Variants in LSM14A observed in about 807,000 individuals in gnomAD.
The protein encoded by LSM14A is LSM14A mRNA processing body assembly factor, also known as protein LSM14 homolog A.
LSM14A carries 14 observed loss-of-function variants against 52.4 expected under a neutral mutation model. The observed-to-expected ratio is 0.27, with a 90% CI of 0.18 to 0.42. LSM14A has a LOEUF of 0.42. LSM14A is among the 10% of genes least tolerant of loss of function. The pLI, the probability that LSM14A is intolerant of heterozygous loss-of-function variation, is 1.00. For missense variants in LSM14A, 417 were observed against 581.8 expected (o/e 0.72, Z 2.91); for synonymous variants, 185 against 200.3 (o/e 0.92, Z 0.64).
chr19:34,214,674 T>A (rs1485749125), intron 4 of LSM14A, among the ~76,000 whole-genome samples: 1 of 152,226 alleles, frequency 6.6e-6, no homozygotes, highest in African/African-American at 2.4e-5. Context: ...AGGTATTGTT[T>A]TAGTCATCTA....
chr19:34,190,222 G>T lies in LSM14A; in HGVS notation c.122-4256G>T, dbSNP rs142152325. Among the ~76,000 whole-genome samples, 138 of 152,126 alleles carry T rather than the reference G, an allele frequency of 9.1e-4. 2 individuals carry two copies. Among genetic ancestry groups the T allele is most frequent in the African/African-American group, 2.9e-3 (122 of 41,506 alleles). ...CGTGTGCCCTTCTAATCTCTCTTGT[G>T]GAATTTGTTCTTCACAATACTACAA... On this transcript the variant is annotated intron_variant, in intron 1 of 9. Transcript: ENST00000544216.
chr19:34,214,920 AATTATT>A (rs916177598), intron 4 of LSM14A, among the ~76,000 whole-genome samples, 198 bp from the exon 5 acceptor site: 9 of 151,384 alleles, frequency 5.9e-5, no homozygotes, highest in Non-Finnish European at 1.3e-4. Flanking sequence ...TTTTTTTTTA[AATTATT>A]ATTATTTTTT....
chr19:34,201,916 G>A (rs1042106809), intron 3 of LSM14A, among the ~76,000 whole-genome samples: 1 of 151,806 alleles, frequency 6.6e-6, no homozygotes, highest in Admixed American at 6.6e-5. Flanking sequence ...AGACCTCCTG[G>A]GCTCAAGCAG....
chr19:34,205,031 C>T (rs969561627), intron 3 of LSM14A, among the ~76,000 whole-genome samples: 7 of 152,138 alleles, frequency 4.6e-5, no homozygotes, highest in Middle Eastern at 3.4e-3. Context: ...ATTTGGGAGG[C>T]GGAGGCAGGA....
chr19:34,217,608 C>A (rs1323268868), intron 6 of LSM14A, among the ~76,000 whole-genome samples: 1 of 43,508 alleles, frequency 2.3e-5, no homozygotes, highest in Admixed American at 2.5e-4. Flanking sequence ...TTTTATATCC[C>A]CCCCCCCCGT....
intron 3 of LSM14A, among the ~76,000 whole-genome samples, chr19:34,206,465 G>A (rs989130180): frequency 3.3e-5 from 5 of 151,280 alleles, no homozygotes; most frequent in African/African-American, 1.2e-4. Flanking sequence ...TCAGGAGATC[G>A]AGACCAGCCC....
intron 1 of LSM14A, among the ~76,000 whole-genome samples, chr19:34,193,755 C>A (rs1205853530): frequency 6.6e-6 from 1 of 152,230 alleles, no homozygotes; most frequent in East Asian, 1.9e-4. Flanking sequence ...CTCTCTGTGT[C>A]CCAAAGGTCA....
intron 1 of LSM14A, among the ~76,000 whole-genome samples, chr19:34,184,647 T>A (rs1382794347): frequency 6.6e-6 from 1 of 152,210 alleles, no homozygotes; most frequent in East Asian, 1.9e-4. Context: ...CTACCTTTGC[T>A]TATGCCTAAG....
chr19:34,213,576 A>G (rs995067211), intron 4 of LSM14A, among the ~76,000 whole-genome samples: 1 of 152,178 alleles, frequency 6.6e-6, no homozygotes, highest in African/African-American at 2.4e-5. Context: ...ACGTGAAATG[A>G]GCATTTTTTT....
chr19:34,191,124 A>C (rs1327187875), intron 1 of LSM14A, among the ~76,000 whole-genome samples: 1 of 151,916 alleles, frequency 6.6e-6, no homozygotes, highest in Non-Finnish European at 1.5e-5. Flanking sequence ...ATTCTCTTCT[A>C]GTGATTTGGT....
intron 9 of LSM14A, 172 bp downstream of exon 9, chr19:34,221,910 T>C: frequency 2.3e-6 from 3 of 1,314,114 alleles, no homozygotes. Context: ...AAAGACATTA[T>C]ACAAAAAAAG....
chr19:34,224,275 G>A (rs2073224782), intron 9 of LSM14A, among the ~76,000 whole-genome samples: 1 of 152,044 alleles, frequency 6.6e-6, no homozygotes, highest in Non-Finnish European at 1.5e-5. Context: ...AGGTTGCAGT[G>A]AGCCGAGATC....
rs890753783 is a variant in LSM14A at position 34,192,831 on chromosome 19, T to C, written c.122-1647T>C. Among the ~76,000 whole-genome samples, 34 of 151,378 alleles carry C rather than the reference T, an allele frequency of 2.2e-4. 1 individual carries two copies. Among genetic ancestry groups the C allele is most frequent in the African/African-American group, 7.5e-4 (31 of 41,126 alleles). On this transcript the variant is annotated intron_variant, in intron 1 of 9. Coordinates refer to ENST00000544216, the MANE Select transcript of LSM14A (RefSeq NM_015578.4). ...CTCCGCTAAAAAAAAATACAAAAAT[T>C]AGCTGCGCATGGTGGCACACGCCTG...
chr19:34,193,019 T>C (rs1224015116), intron 1 of LSM14A, among the ~76,000 whole-genome samples: 1 of 152,148 alleles, frequency 6.6e-6, no homozygotes, highest in Non-Finnish European at 1.5e-5. Context: ...GGGGTTTACT[T>C]CCTTTAGGGT....
rs1282841324 is a variant in LSM14A at position 34,196,487 on chromosome 19, T to C, written c.286-147T>C. On this transcript the variant is annotated intron_variant, in intron 2 of 9. Coordinates refer to ENST00000544216, the MANE Select transcript of LSM14A (RefSeq NM_015578.4). ...CTGAAATCAAAAGGTTGTTTGGCTATTTTAATATTAAGTGCATATTGTAAT... is the reference window on the plus strand; with the variant it reads ...CTGAAATCAAAAGGTTGTTTGGCTACTTTAATATTAAGTGCATATTGTAAT... The C allele has an allele frequency of 8.9e-6, 6 of 674,024 alleles. No individual in the cohort carries two copies. In the East Asian group the frequency reaches 1.3e-4, roughly 15 times the overall value. 41.8% of individuals were successfully genotyped at this position (674,024 alleles called of 1,614,324 possible). A position where few individuals can be genotyped will look rare whatever the true frequency, so the allele number is the denominator to read the frequency against.
At chr19:34,183,742 A>G (rs1468678755) in intron 1 of LSM14A, among the ~76,000 whole-genome samples, 1 of 152,168 alleles carries the variant, frequency 6.6e-6, no homozygotes, top group African/African-American at 2.4e-5. Context: ...AACTCCTAAA[A>G]GGCTCAGGAG....
intron 1 of LSM14A, among the ~76,000 whole-genome samples, chr19:34,178,456 GTGTTGCAGTTTGTTTCTGCAGTT>G (rs1568470292): frequency 6.6e-6 from 1 of 152,192 alleles, no homozygotes; most frequent in Non-Finnish European, 1.5e-5. Flanking sequence ...TAGATGATCT[GTGTTGCAGTTTGTTTCTGCAGTT>G]TGTTGCAGTT....
chr19:34,226,135 C>G (rs561756856), intron 9 of LSM14A, among the ~76,000 whole-genome samples: 1 of 152,090 alleles, frequency 6.6e-6, no homozygotes, highest in East Asian at 1.9e-4. Flanking sequence ...CCTCCCACCG[C>G]CCATTCTTTT....
intron 6 of LSM14A, among the ~76,000 whole-genome samples, chr19:34,216,777 T>C (rs1005815875): frequency 6.6e-6 from 1 of 152,196 alleles, no homozygotes; most frequent in Non-Finnish European, 1.5e-5. Flanking sequence ...TCTTTTAATA[T>C]GTTCTTGAGT....
Sources: gnomAD v4.1 joint callset for allele counts (sites outside exome capture counted in the v4.1 genomes callset) on GRCh38, gnomAD v4.1.1 for gene constraint, MANE v1.5 for transcripts, NCBI Gene and HGNC (gene_info 2026-07-23, HGNC 2026-07-21) for gene names.